Variants in TSHZ2 observed in about 807,000 individuals in gnomAD.
TSHZ2 encodes teashirt homolog 2.
A neutral mutation model predicts 74.4 loss-of-function variants in TSHZ2; 21 were observed. The ratio of observed to expected loss-of-function variants is 0.28; its 90% CI spans 0.20 to 0.41. The LOEUF (loss-of-function observed/expected upper bound fraction) is 0.41, where lower values mean the gene tolerates loss of function less well. Ranked by LOEUF, TSHZ2 falls within the 10% of genes least tolerant of loss-of-function variation. The pLI, the probability that TSHZ2 is intolerant of heterozygous loss-of-function variation, is 1.00. For missense variants in TSHZ2, 1,244 were observed against 1,293.5 expected (o/e 0.96, Z 0.59); for synonymous variants, 540 against 515.3 (o/e 1.05, Z -0.65).
chr20:53,017,894 C>T (rs1983099473), intron 1 of TSHZ2, among the ~76,000 whole-genome samples: 1 of 152,138 alleles, frequency 6.6e-6, no homozygotes, highest in Admixed American at 6.5e-5. Context: ...ATGTAACTTT[C>T]ATGGGATTTT....
chr20:53,338,134 C>T (rs751355376), intron 2 of TSHZ2, among the ~76,000 whole-genome samples: 6 of 152,178 alleles, frequency 3.9e-5, no homozygotes, highest in Non-Finnish European at 2.9e-5. Context: ...GCTGGCCTGT[C>T]GCAGGCATTC....
intron 1 of TSHZ2, among the ~76,000 whole-genome samples, chr20:52,994,766 C>T (rs528009580): frequency 2.7e-5 from 4 of 148,814 alleles, no homozygotes; most frequent in South Asian, 2.1e-4. Context: ...CTGCTCACCA[C>T]GACCTCTAAT....
At chr20:53,065,696 C>G (rs1439705071) in intron 1 of TSHZ2, among the ~76,000 whole-genome samples, 7 of 152,306 alleles carry the variant, frequency 4.6e-5, no homozygotes, top group African/African-American at 1.7e-4. Flanking sequence ...AGGACCCTAC[C>G]TTCCTCCCAG....
intron 1 of TSHZ2, among the ~76,000 whole-genome samples, chr20:53,066,688 A>G (rs1324097254): frequency 6.6e-6 from 1 of 152,112 alleles, no homozygotes; most frequent in Non-Finnish European, 1.5e-5. Context: ...TTGTATTTTT[A>G]GTAGAGACGG....
intron 1 of TSHZ2, among the ~76,000 whole-genome samples, chr20:52,991,189 C>G (rs932863907): frequency 1.4e-5 from 2 of 143,598 alleles, no homozygotes; most frequent in Non-Finnish European, 3.0e-5. Context: ...AGTGTGAAAG[C>G]TTTTCTGATG....
rs182770648 is a variant in TSHZ2 at position 53,185,274 on chromosome 20, A to G, written c.41-68225A>G. On this transcript the variant is annotated intron_variant, in intron 1 of 2. Transcript: ENST00000371497. ...GTGATGCATAAAACCTCGTGGGTTC[A>G]AATTGGACATTTATTTTTCTAGAAC... 8.1e-3 allele frequency: 8,312 copies of G among 1,021,240 alleles called. 60 individuals are homozygous for G. The highest frequency in any genetic ancestry group is 9.4e-3 in the Non-Finnish European group (8,019 of 850,722). The allele number at this position is 1,021,240 out of a possible 1,614,324, so 63.3% of individuals were successfully genotyped here.
chr20:53,152,395 C>A (rs1676786961), intron 1 of TSHZ2, among the ~76,000 whole-genome samples: 1 of 152,080 alleles, frequency 6.6e-6, no homozygotes, highest in African/African-American at 2.4e-5. Flanking sequence ...TTGACCCTAA[C>A]CCTGACTCTC....
intron 1 of TSHZ2, among the ~76,000 whole-genome samples, chr20:53,032,576 G>C (rs890366175): frequency 6.6e-6 from 1 of 152,186 alleles, no homozygotes; most frequent in African/African-American, 2.4e-5. Flanking sequence ...TGTTTTGTGA[G>C]TTCTTGAATA....
At chr20:53,451,044 C>G (rs1302920100) in intron 2 of TSHZ2, among the ~76,000 whole-genome samples, 3 of 151,934 alleles carry the variant, frequency 2.0e-5, no homozygotes, top group Non-Finnish European at 4.4e-5. Flanking sequence ...ATTGGAAAAC[C>G]TTTCTGAAAA....
At chr20:53,099,494 C>G (rs1986153229) in intron 1 of TSHZ2, among the ~76,000 whole-genome samples, 1 of 152,120 alleles carries the variant, frequency 6.6e-6, no homozygotes, top group Non-Finnish European at 1.5e-5. Flanking sequence ...TTCTTACTGC[C>G]TGAACATATC....
At chr20:53,176,751 A>G (rs913962610) in intron 1 of TSHZ2, among the ~76,000 whole-genome samples, 5 of 149,932 alleles carry the variant, frequency 3.3e-5, no homozygotes, top group Non-Finnish European at 5.9e-5. Context: ...CAGTGGTGCA[A>G]TCTCGGCTCA....
At chr20:53,078,189 A>T (rs1468111556) in intron 1 of TSHZ2, among the ~76,000 whole-genome samples, 2 of 152,340 alleles carry the variant, frequency 1.3e-5, no homozygotes, top group Admixed American at 6.5e-5. Context: ...GAAGTCAAAG[A>T]TCTAAACCCA....
At position 53,074,423 on chromosome 20, in the gene TSHZ2, C is replaced by T. The variant is rs959159014; in HGVS notation, c.40+101090C>T. On this transcript the variant is annotated intron_variant, in intron 1 of 2. Transcript: ENST00000371497. This position sits in a 1 kb window ranked among gnomAD's most constrained non-coding sequence, Gnocchi z 5.9. ...AATTGCTCACCAGGAAGTGGGCTGG[C>T]CAGAATACAAGTCAGAATGAGATGG... Among the ~76,000 whole-genome samples the T allele has an allele frequency of 2.0e-5, 3 of 152,062 alleles. No individual in the cohort carries two copies. Among genetic ancestry groups the T allele is most frequent in the Non-Finnish European group, 4.4e-5 (3 of 68,028 alleles).
At chr20:53,317,463 C>T (rs1307673036) in intron 2 of TSHZ2, among the ~76,000 whole-genome samples, 1 of 152,152 alleles carries the variant, frequency 6.6e-6, no homozygotes, top group East Asian at 1.9e-4. Context: ...CTGTGAAATA[C>T]TTAAAATAAA....
chr20:53,009,638 C>A (rs1982779500), intron 1 of TSHZ2, among the ~76,000 whole-genome samples: 1 of 152,078 alleles, frequency 6.6e-6, no homozygotes, highest in South Asian at 2.1e-4. Flanking sequence ...GAAATAGTTC[C>A]ATAAACTTTC....
Position 53,254,243 on chromosome 20 carries a change from C to T in TSHZ2, c.785C>T (p.Ala262Val). The change falls in exon 2 of 3, where the codon GCT becomes GTT. Residue 262 changes from alanine to valine, a missense_variant. By Grantham distance (64) the Ala-to-Val change is moderately conservative. This residue lies in a region of TSHZ2 where 470 missense variants were observed against 456.5 expected (regional missense o/e 1.03). Transcript: ENST00000371497. The stretch of plus-strand genomic sequence containing the variant: ...AGCTATTCAAAGCCCAGGAAAAGGG[C>T]TTTCCAGGATATGGACAAAGAGGAT... ...PTSYSKPRKR[A>V]FQDMDKEDAQ... 1.2e-6 allele frequency: 2 copies of T among 1,614,098 alleles called. No homozygotes were observed. The highest frequency in any genetic ancestry group is 1.7e-6 in the Non-Finnish European group (2 of 1,179,994).
In TSHZ2 at chr20:53,362,192, G is replaced by T. The variant is rs1317456011; in HGVS notation, c.*8+105621G>T. ...TCTTCACACAGTTTGTTGTTTTTTTGTTTTTTTTTTGAGATGGAGTCTCGC... is the reference window on the plus strand; with the variant it reads ...TCTTCACACAGTTTGTTGTTTTTTTTTTTTTTTTTTGAGATGGAGTCTCGC... On this transcript the variant is annotated intron_variant, in intron 2 of 2. Coordinates refer to ENST00000371497, the MANE Select transcript of TSHZ2 (RefSeq NM_173485.6). 4.5e-4 allele frequency among the ~76,000 whole-genome samples: 66 copies of T among 145,500 alleles called. 1 individual carries two copies. Among genetic ancestry groups the T allele is most frequent in the African/African-American group, 1.4e-3 (55 of 39,496 alleles).
intron 1 of TSHZ2, among the ~76,000 whole-genome samples, chr20:53,059,227 A>T (rs1984740872): frequency 6.6e-6 from 1 of 152,170 alleles, no homozygotes; most frequent in South Asian, 2.1e-4. Context: ...AATTAGTGAG[A>T]CTTTTAAGGC....
intron 2 of TSHZ2, among the ~76,000 whole-genome samples, chr20:53,346,638 G>A (rs1241154917): frequency 6.6e-6 from 1 of 152,216 alleles, no homozygotes; most frequent in Admixed American, 6.5e-5. Context: ...ACAGGTTGAG[G>A]GCCCCGTCTA....
Sources: gnomAD v4.1 joint callset for allele counts (sites outside exome capture counted in the v4.1 genomes callset) on GRCh38, gnomAD v4.1.1 for gene constraint, gnomAD v4.1.1 regional missense constraint, Gnocchi (gnomAD v3.1) non-coding constraint, MANE v1.5 for transcripts, NCBI Gene and HGNC (gene_info 2026-07-23, HGNC 2026-07-21) for gene names.